The following PTPRD variants were observed in gnomAD, a reference collection of about 807,000 sequenced individuals.
PTPRD encodes the protein protein tyrosine phosphatase receptor type D, also known as receptor-type tyrosine-protein phosphatase delta.
PTPRD carries 34 observed loss-of-function variants against 214.5 expected under a neutral mutation model. That is an observed-to-expected ratio of 0.16 (90% CI 0.12 to 0.21). The LOEUF (loss-of-function observed/expected upper bound fraction) is 0.21. Ranked by LOEUF, PTPRD falls within the 10% of genes least tolerant of loss-of-function variation. The probability of loss-of-function intolerance (pLI) is 1.00; values close to 1 mark genes in which losing one functional copy is unlikely to be tolerated. For synonymous variants in PTPRD, 1,128 were observed against 845.7 expected, an observed-to-expected ratio of 1.33 and a Z score of -5.79; for missense variants, 2,545 against 2,398.7, an observed-to-expected ratio of 1.06 and a Z score of -1.27.
intron 8 of PTPRD, among the ~76,000 whole-genome samples, chr9:9,523,395 C>T (rs760045587): frequency 1.3e-5 from 2 of 151,962 alleles, no homozygotes; most frequent in Non-Finnish European, 2.9e-5. Context: ...TTAATTTATT[C>T]AAAAAGATTC....
intron 2 of PTPRD, among the ~76,000 whole-genome samples, chr9:10,467,406 T>G (rs1289298362): frequency 6.6e-6 from 1 of 152,224 alleles, no homozygotes; most frequent in Admixed American, 6.5e-5. Flanking sequence ...ATTATTATTA[T>G]TGGCATCCTA....
At chr9:8,447,607 T>C (rs2095785212) in intron 34 of PTPRD, among the ~76,000 whole-genome samples, 1 of 152,182 alleles carries the variant, frequency 6.6e-6, no homozygotes, top group African/African-American at 2.4e-5. Context: ...CCAGCACCTC[T>C]TAATCATTCT....
chr9:10,247,805 G>C (rs907808838), intron 3 of PTPRD, among the ~76,000 whole-genome samples: 1 of 152,044 alleles, frequency 6.6e-6, no homozygotes, highest in Non-Finnish European at 1.5e-5. Flanking sequence ...AAAGAAAGAA[G>C]ACAAATAAAT....
chr9:9,925,213 C>T (rs1215731237), intron 5 of PTPRD, among the ~76,000 whole-genome samples: 2 of 152,058 alleles, frequency 1.3e-5, no homozygotes, highest in African/African-American at 4.8e-5. Flanking sequence ...TGTAGAGAGG[C>T]AGTAGTTGCC....
intron 9 of PTPRD, among the ~76,000 whole-genome samples, chr9:9,244,211 C>A (rs2099971802): frequency 6.6e-6 from 1 of 152,026 alleles, no homozygotes; most frequent in East Asian, 1.9e-4. Flanking sequence ...GCCATACTGC[C>A]CAAGGTAATT....
At position 10,278,922 on chromosome 9, in the gene PTPRD, A is replaced by C. The variant is rs12686069; in HGVS notation, c.-545+62041T>G. 9.6e-3 allele frequency among the ~76,000 whole-genome samples: 1,452 copies of C among 151,894 alleles called. 16 individuals carry two copies. Among genetic ancestry groups the C allele is most frequent in the African/African-American group, 0.029 (1,200 of 41,424 alleles). On this transcript the variant is annotated intron_variant, in intron 3 of 45. Coordinates refer to ENST00000381196, the MANE Select transcript of PTPRD (RefSeq NM_002839.4). ...CCCGAGTAGCTGGGACTACAGGCAC[A>C]CACCACCACGCCAGGCTAATTTTTT...
Position 8,748,352 on chromosome 9 carries a change from G to A in PTPRD, c.-103-14406C>T, listed in dbSNP as rs543323914. ...TAAAATGCTAATTAGGCAAAAACAG[G>A]AGGTAAAGAAATAGCCAATCATCTA... On this transcript the variant is annotated intron_variant, in intron 11 of 45. Coordinates refer to ENST00000381196, the MANE Select transcript of PTPRD (RefSeq NM_002839.4). 1.3e-4 allele frequency among the ~76,000 whole-genome samples: 20 copies of A among 151,918 alleles called. No individual in the cohort carries two copies. The East Asian group carries it at 3.5e-3, about 27-fold the overall frequency.
At chr9:9,124,024 T>A (rs1325807153) in intron 10 of PTPRD, among the ~76,000 whole-genome samples, 1 of 151,884 alleles carries the variant, frequency 6.6e-6, no homozygotes, top group Non-Finnish European at 1.5e-5. Context: ...GGGAGGGAGG[T>A]TAAGTAGTTT....
intron 11 of PTPRD, among the ~76,000 whole-genome samples, chr9:8,947,287 A>C (rs1296399173): frequency 6.6e-6 from 1 of 150,576 alleles, no homozygotes. Flanking sequence ...CATGGTGAAA[A>C]CCTGTCTCTA....
At chr9:8,500,136 G>C (rs1358068845) in intron 24 of PTPRD, among the ~76,000 whole-genome samples, 1 of 151,156 alleles carries the variant, frequency 6.6e-6, no homozygotes, top group African/African-American at 2.4e-5. Context: ...CAAGGAAGAT[G>C]CTTTGAGGTT....
At chr9:9,123,345 C>A (rs137912862) in intron 10 of PTPRD, among the ~76,000 whole-genome samples, 1 of 152,094 alleles carries the variant, frequency 6.6e-6, no homozygotes, top group Non-Finnish European at 1.5e-5. Context: ...TGTGTGTGTC[C>A]TTTCCAGTTC....
intron 3 of PTPRD, among the ~76,000 whole-genome samples, chr9:10,149,260 A>G (rs2099044423): frequency 6.6e-6 from 1 of 152,190 alleles, no homozygotes; most frequent in African/African-American, 2.4e-5. Context: ...TATTTTTACT[A>G]AAACATAACA....
At chr9:8,833,046 T>A (rs914015035) in intron 11 of PTPRD, among the ~76,000 whole-genome samples, 2 of 152,132 alleles carry the variant, frequency 1.3e-5, no homozygotes, top group Non-Finnish European at 2.9e-5. Flanking sequence ...TGACTTGATA[T>A]CTTCTGTGTG....
chr9:9,571,267 G>C (rs894028373), intron 8 of PTPRD, among the ~76,000 whole-genome samples: 1 of 150,980 alleles, frequency 6.6e-6, no homozygotes, highest in Non-Finnish European at 1.5e-5. Flanking sequence ...TTGTGTTTTT[G>C]GTGAAAATTT....
chr9:10,212,344 G>A (rs949823811), intron 3 of PTPRD, among the ~76,000 whole-genome samples: 7 of 152,076 alleles, frequency 4.6e-5, no homozygotes, highest in South Asian at 2.1e-4. Flanking sequence ...AAGCATAAAC[G>A]TGTAGCTAAA....
intron 2 of PTPRD, among the ~76,000 whole-genome samples, chr9:10,413,756 C>T (rs754903045): frequency 2.6e-5 from 4 of 151,884 alleles, no homozygotes; most frequent in Non-Finnish European, 5.9e-5. Context: ...GGTACAAAAA[C>T]AGGCACATAG....
In PTPRD at chr9:9,698,427, T is replaced by C. The variant is rs115854456; in HGVS notation, c.-287+36106A>G. On this transcript the variant is annotated intron_variant, in intron 7 of 45. Transcript: ENST00000381196. ...AATTCAGTGTGTTGCCTGTCCCAGA[T>C]AGGGGAGATCCCAAAGGGCAAATGC... Among the ~76,000 whole-genome samples the C allele has an allele frequency of 3.6e-3, 552 of 152,280 alleles. 4 individuals carry two copies. Among genetic ancestry groups the C allele is most frequent in the African/African-American group, 0.012 (516 of 41,550 alleles).
intron 3 of PTPRD, among the ~76,000 whole-genome samples, chr9:10,152,287 T>C (rs796911906): frequency 1.3e-5 from 2 of 152,208 alleles, no homozygotes; most frequent in Non-Finnish European, 2.9e-5. Flanking sequence ...ATTTTGAATA[T>C]CTTTTTTATG....
chr9:9,375,415 G>C (rs1480992932), intron 9 of PTPRD, among the ~76,000 whole-genome samples: 1 of 152,060 alleles, frequency 6.6e-6, no homozygotes, highest in Non-Finnish European at 1.5e-5. Context: ...GACCAACATG[G>C]TGAAACCCCA....
Sources: allele counts gnomAD v4.1 joint callset (sites outside exome capture counted in the v4.1 genomes callset), GRCh38; gene constraint gnomAD v4.1.1; transcripts MANE v1.5; gene names NCBI Gene and HGNC (gene_info 2026-07-23, HGNC 2026-07-21).